Variants in PPARGC1A observed in about 807,000 individuals in gnomAD.
The protein encoded by PPARGC1A is PPARG coactivator 1 alpha.
A neutral mutation model predicts 88.7 loss-of-function variants in PPARGC1A; 25 were observed. That is an observed-to-expected ratio of 0.28 (90% CI 0.21 to 0.39). PPARGC1A has a LOEUF of 0.39. PPARGC1A is among the 10% of genes least tolerant of loss of function. The probability of loss-of-function intolerance (pLI) is 1.00; values close to 1 mark genes in which losing one functional copy is unlikely to be tolerated. For synonymous variants in PPARGC1A, 363 were observed against 355.6 expected, an observed-to-expected ratio of 1.02 and a Z score of -0.24; for missense variants, 880 against 968.7, an observed-to-expected ratio of 0.91 and a Z score of 1.22.
the PPARGC1A span, among the ~76,000 whole-genome samples, chr4:24,452,264 AACAC>A: frequency 6.8e-6 from 1 of 147,326 alleles, no homozygotes; most frequent in South Asian, 2.2e-4. Flanking sequence ...CCCACACACA[AACAC>A]ACACACACAC....
At chr4:24,375,221 G>T in the PPARGC1A span, among the ~76,000 whole-genome samples, 1 of 151,684 alleles carries the variant, frequency 6.6e-6, no homozygotes, top group African/African-American at 2.4e-5. Context: ...TTGGGTGAAG[G>T]TTAGGGTTAA....
the PPARGC1A span, among the ~76,000 whole-genome samples, chr4:24,282,403 T>G: frequency 2.0e-5 from 3 of 152,222 alleles, no homozygotes; most frequent in Non-Finnish European, 4.4e-5. Context: ...CTTTAGGGGT[T>G]GGAGTGTGTG....
chr4:24,050,731 A>C, the PPARGC1A span, among the ~76,000 whole-genome samples: 3 of 152,296 alleles, frequency 2.0e-5, no homozygotes, highest in African/African-American at 7.2e-5. Context: ...GTTGTTCTTC[A>C]GTACTGTGGA....
the PPARGC1A span, among the ~76,000 whole-genome samples, chr4:24,002,160 C>T: frequency 3.3e-5 from 5 of 150,110 alleles, no homozygotes; most frequent in East Asian, 6.0e-4. Context: ...AGTGGAAGTG[C>T]CTGGAAACCA....
chr4:24,382,536 A>T, the PPARGC1A span, among the ~76,000 whole-genome samples: 14 of 152,274 alleles, frequency 9.2e-5, 1 homozygote, highest in African/African-American at 3.1e-4. Context: ...ATGTATCTAG[A>T]CATGTTTGTA....
the PPARGC1A span, among the ~76,000 whole-genome samples, chr4:24,402,785 T>C: frequency 6.6e-6 from 1 of 152,208 alleles, no homozygotes; most frequent in Admixed American, 6.5e-5. Context: ...ACCAAGCACC[T>C]TGAGGCTGCC....
At chr4:24,223,514 T>G in the PPARGC1A span, among the ~76,000 whole-genome samples, 1 of 152,218 alleles carries the variant, frequency 6.6e-6, no homozygotes, top group Non-Finnish European at 1.5e-5. Flanking sequence ...CCTCCCAAGG[T>G]GCTGAGATTA....
the PPARGC1A span, among the ~76,000 whole-genome samples, chr4:24,055,759 T>A: frequency 5.3e-5 from 8 of 152,246 alleles, no homozygotes; most frequent in Non-Finnish European, 1.2e-4. Flanking sequence ...GGATTTCCCC[T>A]GTTCCAGTCT....
chr4:24,050,533 T>G, the PPARGC1A span, among the ~76,000 whole-genome samples: 1 of 152,072 alleles, frequency 6.6e-6, no homozygotes, highest in Non-Finnish European at 1.5e-5. Flanking sequence ...AAAAACTTCC[T>G]GCCTTGGCTC....
At chr4:24,055,073 A>G in the PPARGC1A span, among the ~76,000 whole-genome samples, 1 of 152,252 alleles carries the variant, frequency 6.6e-6, no homozygotes, top group Admixed American at 6.5e-5. Flanking sequence ...CGGATATTGC[A>G]GCTGCTACAG....
chr4:24,458,465 C>A, the PPARGC1A span, among the ~76,000 whole-genome samples: 2 of 152,108 alleles, frequency 1.3e-5, no homozygotes, highest in Non-Finnish European at 2.9e-5. Flanking sequence ...CGTGCCACTG[C>A]GCTCCATCCT....
chr4:24,289,015 T>G, the PPARGC1A span, among the ~76,000 whole-genome samples: 1 of 151,678 alleles, frequency 6.6e-6, no homozygotes, highest in Non-Finnish European at 1.5e-5. Flanking sequence ...ACGTCAGGAG[T>G]TCCAGGCCAG....
chr4:24,368,645 T>C, the PPARGC1A span, among the ~76,000 whole-genome samples: 1 of 152,186 alleles, frequency 6.6e-6, no homozygotes, highest in Non-Finnish European at 1.5e-5. Context: ...ATATAATTTA[T>C]ACCACACAAA....
chr4:24,415,963 G>A, the PPARGC1A span, among the ~76,000 whole-genome samples: 2 of 152,154 alleles, frequency 1.3e-5, no homozygotes, highest in East Asian at 3.9e-4. Context: ...ACATGTACAT[G>A]AATAGCTACA....
the PPARGC1A span, among the ~76,000 whole-genome samples, chr4:24,381,633 C>T: frequency 2.6e-5 from 4 of 152,172 alleles, no homozygotes; most frequent in Non-Finnish European, 5.9e-5. Flanking sequence ...ATCTCATTTC[C>T]AAAGTCTCAC....
chr4:24,212,965 C>T, the PPARGC1A span, among the ~76,000 whole-genome samples: 3 of 152,130 alleles, frequency 2.0e-5, no homozygotes, highest in Admixed American at 6.5e-5. Context: ...TGATTAGAGA[C>T]GACAGCACCT....
At chr4:24,260,523 C>A in the PPARGC1A span, among the ~76,000 whole-genome samples, 4 of 152,162 alleles carry the variant, frequency 2.6e-5, no homozygotes, top group African/African-American at 9.7e-5. Flanking sequence ...AGTAACAGAG[C>A]AATCAACATG....
the PPARGC1A span, among the ~76,000 whole-genome samples, chr4:24,386,831 G>C: frequency 0.01 from 1,586 of 152,250 alleles, 26 homozygotes; most frequent in African/African-American, 0.036. Flanking sequence ...GTAATTTATA[G>C]ATTTAATGCT....
chr4:24,292,535 A>AC, the PPARGC1A span, among the ~76,000 whole-genome samples: 4 of 6,374 alleles, frequency 6.3e-4, no homozygotes, highest in Non-Finnish European at 9.2e-4. Flanking sequence ...CTACCCCCCC[A>AC]CCCCACCCCT....
Sources: allele counts gnomAD v4.1 joint callset (sites outside exome capture counted in the v4.1 genomes callset), GRCh38; gene constraint gnomAD v4.1.1; transcripts MANE v1.5; gene names NCBI Gene and HGNC (gene_info 2026-07-23, HGNC 2026-07-21).